PIP5K1B: variants seen among roughly 807,000 people sequenced by gnomAD.
PIP5K1B encodes phosphatidylinositol-4-phosphate 5-kinase type 1 beta.
Under a neutral mutation model 67.0 loss-of-function variants are expected in PIP5K1B, and 42 were observed. The observed-to-expected ratio is 0.63, with a 90% confidence interval of 0.49 to 0.81. The LOEUF (loss-of-function observed/expected upper bound fraction) is 0.81. Ranked by LOEUF, PIP5K1B falls within the 30% of genes least tolerant of loss-of-function variation. PIP5K1B has a pLI of 0.00. For synonymous variants in PIP5K1B, 214 were observed against 231.4 expected (o/e 0.92, Z 0.68); for missense variants, 459 against 646.3 (o/e 0.71, Z 3.14).
Position 69,008,546 on chromosome 9 carries a change from G to T in PIP5K1B, c.*97G>T. ...CAGAATTATCCACAGCAACTTGGCT[G>T]AGCCCCACTACACACAGAGAAATCA... On this transcript the variant is annotated 3_prime_UTR_variant, in exon 16 of 16. Coordinates refer to ENST00000265382, the MANE Select transcript of PIP5K1B (RefSeq NM_003558.4). 8.6e-7 allele frequency: 1 copy of T among 1,167,980 alleles called. No individual in the cohort carries two copies. The highest frequency in any genetic ancestry group is 1.5e-5 in the African/African-American group (1 of 66,336). 72.4% of individuals were successfully genotyped at this position (1,167,980 alleles called of 1,614,324 possible).
chr9:68,990,672 AT>A (rs58671833), intron 14 of PIP5K1B, among the ~76,000 whole-genome samples: 47,508 of 145,876 alleles, frequency 0.33, 8,606 homozygotes, highest in East Asian at 0.53. Flanking sequence ...AATACTATAT[AT>A]TTTTTTTTTG....
chr9:68,821,437 C>G (rs111619156), intron 3 of PIP5K1B, among the ~76,000 whole-genome samples: 1 of 152,218 alleles, frequency 6.6e-6, no homozygotes, highest in South Asian at 2.1e-4. Flanking sequence ...ATGGAAGACT[C>G]GAAGAAATAC....
intron 14 of PIP5K1B, among the ~76,000 whole-genome samples, chr9:68,973,149 T>C (rs1829473671): frequency 6.6e-6 from 1 of 152,188 alleles, no homozygotes; most frequent in Non-Finnish European, 1.5e-5. Flanking sequence ...AACTAAAGCC[T>C]TCCAGTGCCT....
chr9:68,920,393 A>C (rs966982123), intron 11 of PIP5K1B, among the ~76,000 whole-genome samples: 2 of 87,074 alleles, frequency 2.3e-5, no homozygotes, highest in Non-Finnish European at 4.0e-5. Flanking sequence ...TTTGAGATGG[A>C]GTCTTGCTCT....
intron 14 of PIP5K1B, among the ~76,000 whole-genome samples, chr9:68,980,349 A>G (rs913087597): frequency 2.6e-5 from 4 of 152,212 alleles, no homozygotes; most frequent in Non-Finnish European, 5.9e-5. Flanking sequence ...ATTAAGTGAG[A>G]CCAGGCTGTA....
intron 1 of PIP5K1B, among the ~76,000 whole-genome samples, chr9:68,732,743 A>G (rs903037097): frequency 1.3e-5 from 2 of 152,180 alleles, no homozygotes; most frequent in African/African-American, 4.8e-5. Flanking sequence ...GTTAAGTAGC[A>G]GTTGACATGA....
chr9:68,846,567 A>G (rs1430017889), intron 4 of PIP5K1B, among the ~76,000 whole-genome samples: 2 of 152,216 alleles, frequency 1.3e-5, no homozygotes, highest in African/African-American at 2.4e-5. Flanking sequence ...GTAAACAGCA[A>G]GTCACAGCAA....
chr9:68,806,572 C>T (rs1564150034), intron 2 of PIP5K1B, among the ~76,000 whole-genome samples: 2 of 152,220 alleles, frequency 1.3e-5, no homozygotes, highest in East Asian at 1.9e-4. Flanking sequence ...ATGGCTGTCT[C>T]CCAGGGCCAT....
Position 68,821,084 on chromosome 9 carries a change from C to G in PIP5K1B, c.1-1531C>G, listed in dbSNP as rs143722503. Among the ~76,000 whole-genome samples the G allele has an allele frequency of 3.5e-3, 528 of 152,224 alleles. 1 individual carries two copies. Among genetic ancestry groups the G allele is most frequent in the African/African-American group, 0.012 (485 of 41,540 alleles). On this transcript the variant is annotated intron_variant, in intron 3 of 15. Transcript: ENST00000265382. ...CTTGAGCTTAGGAGTTCGAGACCAG[C>G]CTGGGCAGCATGGCAAAACCCTGTC...
At chr9:68,733,133 G>A (rs1828533743) in intron 1 of PIP5K1B, among the ~76,000 whole-genome samples, 1 of 152,136 alleles carries the variant, frequency 6.6e-6, no homozygotes, top group South Asian at 2.1e-4. Flanking sequence ...CTTATTTTTA[G>A]AAGTCCTCTA....
At chr9:68,926,831 C>G (rs989361482) in intron 12 of PIP5K1B, among the ~76,000 whole-genome samples, 4 of 152,114 alleles carry the variant, frequency 2.6e-5, no homozygotes, top group African/African-American at 9.7e-5. Flanking sequence ...CTCAGCCTCC[C>G]AAAGTGCTCA....
intron 14 of PIP5K1B, among the ~76,000 whole-genome samples, chr9:68,960,396 A>G (rs958558931): frequency 3.9e-5 from 6 of 152,168 alleles, no homozygotes; most frequent in Admixed American, 3.9e-4. Flanking sequence ...TTCAATCTGC[A>G]TACTCAAGTC....
At chr9:68,728,575 G>A (rs1382559332) in intron 1 of PIP5K1B, among the ~76,000 whole-genome samples, 1 of 152,078 alleles carries the variant, frequency 6.6e-6, no homozygotes, top group African/African-American at 2.4e-5. Flanking sequence ...TGCAGATATG[G>A]GGAAAACATT....
intron 4 of PIP5K1B, chr9:68,824,088 A>C (rs577264728): frequency 1.9e-6 from 1 of 518,976 alleles, no homozygotes; most frequent in Non-Finnish European, 3.8e-6. Context: ...ACTATTATTT[A>C]TTTTTAGACA....
chr9:68,784,105 A>C (rs1375895987), intron 2 of PIP5K1B: 2 of 167,120 alleles, frequency 1.2e-5, no homozygotes. Flanking sequence ...TCTTCTATAT[A>C]GATGGGAAGT....
chr9:68,966,270 C>T (rs1381126311), intron 14 of PIP5K1B, among the ~76,000 whole-genome samples: 3 of 152,146 alleles, frequency 2.0e-5, no homozygotes, highest in Admixed American at 2.0e-4. Context: ...ACACAACACC[C>T]CATCCCTTAA....
chr9:68,995,805 CAAAAA>C (rs35764883), intron 15 of PIP5K1B, among the ~76,000 whole-genome samples: 1 of 100,346 alleles, frequency 1.0e-5, no homozygotes, highest in Non-Finnish European at 2.0e-5. Context: ...AACTCCGTCT[CAAAAA>C]AAAAAAAAAA....
intron 2 of PIP5K1B, among the ~76,000 whole-genome samples, chr9:68,760,542 A>G (rs1830138283): frequency 6.6e-6 from 1 of 152,016 alleles, no homozygotes. Context: ...TTGTTGGCCT[A>G]TCTAGTTGTT....
chr9:68,761,098 G>A (rs1830163642), intron 2 of PIP5K1B, among the ~76,000 whole-genome samples: 1 of 152,030 alleles, frequency 6.6e-6, no homozygotes, highest in Admixed American at 6.6e-5. Context: ...TAGCTGTGAG[G>A]CCTGGAGTAT....
Sources: gnomAD v4.1 joint callset for allele counts (sites outside exome capture counted in the v4.1 genomes callset) on GRCh38, gnomAD v4.1.1 for gene constraint, MANE v1.5 for transcripts, NCBI Gene and HGNC (gene_info 2026-07-23, HGNC 2026-07-21) for gene names.